Variants in CNBD2 observed in about 807,000 individuals in gnomAD.
CNBD2 encodes the protein cyclic nucleotide binding domain containing 2.
CNBD2 carries 64 observed loss-of-function variants against 63.7 expected under a neutral mutation model. That is an observed-to-expected ratio of 1.00 (90% CI 0.82 to 1.24). The LOEUF (loss-of-function observed/expected upper bound fraction) is 1.24, where lower values mean the gene tolerates loss of function less well. Among genes scored for constraint, CNBD2 ranks in the 50% most tolerant of loss-of-function variants. CNBD2 has a pLI of 0.00. For synonymous variants in CNBD2, 229 were observed against 255.4 expected (o/e 0.90, Z 0.99); for missense variants, 691 against 713.5 (o/e 0.97, Z 0.36).
chr20:36,009,187 C>T (rs1333136343), intron 9 of CNBD2, among the ~76,000 whole-genome samples: 1 of 151,266 alleles, frequency 6.6e-6, no homozygotes, highest in Admixed American at 6.6e-5. Context: ...GGCAACAGAG[C>T]AAGATCTTGT....
At chr20:36,026,381 A>C (rs1375480536) in intron 11 of CNBD2, among the ~76,000 whole-genome samples, 1 of 151,954 alleles carries the variant, frequency 6.6e-6, no homozygotes, top group Non-Finnish European at 1.5e-5. Context: ...AAGTCTTATC[A>C]CGGGTTCCTC....
At chr20:35,961,830 G>C (rs1346558549) in intron 2 of CNBD2, among the ~76,000 whole-genome samples, 1 of 152,174 alleles carries the variant, frequency 6.6e-6, no homozygotes, top group Non-Finnish European at 1.5e-5. Flanking sequence ...CTTCCGATCA[G>C]TTGGAGCTTG....
chr20:36,010,897 C>G (rs922504020), intron 9 of CNBD2, among the ~76,000 whole-genome samples: 3 of 152,164 alleles, frequency 2.0e-5, no homozygotes, highest in Admixed American at 6.5e-5. Context: ...GGAGAACAGC[C>G]CTCAGGTGTT....
chr20:35,955,966 TCTC>T (rs1024927819), downstream of CNBD2, among the ~76,000 whole-genome samples: 2 of 152,016 alleles, frequency 1.3e-5, no homozygotes, highest in Non-Finnish European at 1.5e-5. Context: ...GGTGATCCAC[TCTC>T]CTCAGCCTCC....
intron 10 of CNBD2, among the ~76,000 whole-genome samples, chr20:36,018,195 TG>T (rs1568924913): frequency 2.0e-5 from 3 of 152,112 alleles, no homozygotes. Flanking sequence ...CAGGGAGGCC[TG>T]GGCAGGATGG....
chr20:35,997,387 C>A (rs1381479250), intron 8 of CNBD2, among the ~76,000 whole-genome samples: 1 of 152,180 alleles, frequency 6.6e-6, no homozygotes, highest in Non-Finnish European at 1.5e-5. Flanking sequence ...GAGGTTGGAG[C>A]TGAACAGAGC....
chr20:35,964,756 G>A (rs1257338851), upstream of CNBD2, among the ~76,000 whole-genome samples: 3 of 151,324 alleles, frequency 2.0e-5, no homozygotes, highest in Non-Finnish European at 2.9e-5. Flanking sequence ...AGGCTGGAGT[G>A]CAGTGCCATG....
At chr20:36,000,451 A>C (rs764246565) in intron 8 of CNBD2, among the ~76,000 whole-genome samples, 10 of 151,934 alleles carry the variant, frequency 6.6e-5, no homozygotes, top group Non-Finnish European at 1.3e-4. Flanking sequence ...ATCTCGGCTC[A>C]CTGCAACCTC....
At chr20:35,965,505 T>C (rs1052790582), upstream of CNBD2, among the ~76,000 whole-genome samples, 4 of 152,164 alleles carry the variant, frequency 2.6e-5, no homozygotes, top group African/African-American at 4.8e-5. Flanking sequence ...GTTTGTGGAA[T>C]TGAATCGAAC....
chr20:36,010,571 G>A (rs1251493380), intron 9 of CNBD2, among the ~76,000 whole-genome samples: 1 of 152,074 alleles, frequency 6.6e-6, no homozygotes, highest in African/African-American at 2.4e-5. Flanking sequence ...AGGAGTTTGA[G>A]ACCAGCCTGG....
intron 8 of CNBD2, among the ~76,000 whole-genome samples, chr20:36,001,470 C>G (rs865882419): frequency 6.7e-6 from 1 of 149,680 alleles, no homozygotes; most frequent in Non-Finnish European, 1.5e-5. Context: ...ACCTCCCAGA[C>G]GGGGCGGCTG....
intron 8 of CNBD2, among the ~76,000 whole-genome samples, chr20:36,002,539 C>T (rs2056928750): frequency 6.6e-6 from 1 of 152,188 alleles, no homozygotes; most frequent in Non-Finnish European, 1.5e-5. Context: ...GATCCACCTG[C>T]CTTGGCTTCC....
chr20:36,013,445 T>G (rs1245643179), intron 10 of CNBD2, among the ~76,000 whole-genome samples: 1 of 151,922 alleles, frequency 6.6e-6, no homozygotes, highest in African/African-American at 2.4e-5. Context: ...AAAAATCATC[T>G]AGGAGGTTAG....
downstream of CNBD2, among the ~76,000 whole-genome samples, chr20:35,958,156 A>G (rs1226431850): frequency 2.6e-5 from 4 of 152,112 alleles, no homozygotes; most frequent in Non-Finnish European, 5.9e-5. Flanking sequence ...TCATTGGCCA[A>G]GCATGGTGGC....
chr20:36,003,197 A>G (rs2147302297), intron 8 of CNBD2, among the ~76,000 whole-genome samples: 1 of 152,272 alleles, frequency 6.6e-6, no homozygotes, highest in East Asian at 1.9e-4. Flanking sequence ...CTTGGAATAT[A>G]ATTATAATAG....
At chr20:36,021,814 G>A (rs1173318497) in intron 10 of CNBD2, among the ~76,000 whole-genome samples, 4 of 152,160 alleles carry the variant, frequency 2.6e-5, no homozygotes, top group East Asian at 1.9e-4. Flanking sequence ...AAGTATGCCT[G>A]TGGACTTCCA....
chr20:35,968,707 A>C lies in CNBD2; in HGVS notation c.-56A>C. The stretch of plus-strand genomic sequence containing the variant: ...ACTGGATTTTTGGGGAAAAATTTGT[A>C]GTCCTCCCCTTGAAAGGCAAAGGGG... On this transcript the variant is annotated 5_prime_UTR_variant, in exon 1 of 12. Transcript: ENST00000373973. 1 of 1,435,170 alleles carries C rather than the reference A, an allele frequency of 7.0e-7. No individual in the cohort carries two copies. The highest frequency in any genetic ancestry group is 9.6e-7 in the Non-Finnish European group (1 of 1,038,554). 88.9% of individuals were successfully genotyped at this position (1,435,170 alleles called of 1,614,324 possible). A position where few individuals can be genotyped will look rare whatever the true frequency, so the allele number is the denominator to read the frequency against.
chr20:35,968,123 A>G (rs1279834212), upstream of CNBD2, among the ~76,000 whole-genome samples: 5 of 152,336 alleles, frequency 3.3e-5, no homozygotes, highest in Non-Finnish European at 7.4e-5. Context: ...GATCAAGTGT[A>G]GTATACGCAT....
intron 3 of CNBD2, 146 bp downstream of exon 3, chr20:35,976,148 T>G: frequency 1.5e-6 from 1 of 658,054 alleles, no homozygotes; most frequent in East Asian, 2.6e-5. Flanking sequence ...CCACTTCGTT[T>G]CCTCATCAAT....
Sources: gnomAD v4.1 joint callset for allele counts (sites outside exome capture counted in the v4.1 genomes callset) on GRCh38, gnomAD v4.1.1 for gene constraint, MANE v1.5 for transcripts, NCBI Gene and HGNC (gene_info 2026-07-23, HGNC 2026-07-21) for gene names.